The following FHIT variants were observed in gnomAD, a reference collection of about 807,000 sequenced individuals.
FHIT encodes the protein bis(5'-adenosyl)-triphosphatase.
Under a neutral mutation model 17.9 loss-of-function variants are expected in FHIT, and 19 were observed. The observed-to-expected ratio is 1.06, with a 90% CI of 0.74 to 1.56. The LOEUF (loss-of-function observed/expected upper bound fraction) is 1.56. Ranked by LOEUF, FHIT falls within the 40% of genes most tolerant of loss-of-function variation. The pLI is 0.00. For missense variants in FHIT, 248 were observed against 189.2 expected, an observed-to-expected ratio of 1.31 and a Z score of -1.82; for synonymous variants, 81 against 69.7, an observed-to-expected ratio of 1.16 and a Z score of -0.81.
Position 60,611,391 on chromosome 3 carries a change from G to A in FHIT, c.-17-74412C>T, listed in dbSNP as rs9829848. 3.3e-5 allele frequency among the ~76,000 whole-genome samples: 5 copies of A among 152,252 alleles called. No individual in the cohort carries two copies. The South Asian group carries it at 1.0e-3, about 32-fold the overall frequency. On this transcript the variant is annotated intron_variant, in intron 4 of 9. Transcript: ENST00000492590. Reference sequence around the variant, plus strand: ...CATTAATGCCTAGTGTTCCATTATAGGAACGCTAAGCATGTGGGAGTTATT... The same window carrying A: ...CATTAATGCCTAGTGTTCCATTATAAGAACGCTAAGCATGTGGGAGTTATT...
At chr3:60,237,976 AAAT>A (rs1249569777) in intron 5 of FHIT, among the ~76,000 whole-genome samples, 1 of 151,640 alleles carries the variant, frequency 6.6e-6, no homozygotes, top group African/African-American at 2.4e-5. Context: ...TCTCTACTAA[AAAT>A]AATAATAATA....
At chr3:59,974,565 G>C (rs1239412640) in intron 7 of FHIT, among the ~76,000 whole-genome samples, 1 of 152,078 alleles carries the variant, frequency 6.6e-6, no homozygotes, top group East Asian at 1.9e-4. Flanking sequence ...TTAATACTGT[G>C]ACATTTAAGT....
intron 5 of FHIT, among the ~76,000 whole-genome samples, chr3:60,340,694 C>T (rs1710473547): frequency 6.6e-6 from 1 of 152,068 alleles, no homozygotes; most frequent in African/African-American, 2.4e-5. Flanking sequence ...TGTGAGTGTC[C>T]ACTTATATGA....
chr3:60,282,769 A>C (rs1359066764), intron 5 of FHIT, among the ~76,000 whole-genome samples: 1 of 152,162 alleles, frequency 6.6e-6, no homozygotes, highest in African/African-American at 2.4e-5. Context: ...GTTCTAAAAA[A>C]TAAAGTATTT....
intron 5 of FHIT, among the ~76,000 whole-genome samples, chr3:60,335,718 C>T (rs941524810): frequency 2.6e-5 from 4 of 152,024 alleles, no homozygotes; most frequent in Admixed American, 2.0e-4. Flanking sequence ...ATATTGACCA[C>T]ATTTTAAAAT....
At chr3:60,473,659 C>T (rs2033200782) in intron 5 of FHIT, among the ~76,000 whole-genome samples, 1 of 152,220 alleles carries the variant, frequency 6.6e-6, no homozygotes, top group Admixed American at 6.5e-5. Context: ...TGGCTCACGC[C>T]TGTAATCCTA....
intron 2 of FHIT, among the ~76,000 whole-genome samples, chr3:61,071,486 G>A (rs2106740686): frequency 6.6e-6 from 1 of 152,254 alleles, no homozygotes; most frequent in South Asian, 2.1e-4. Flanking sequence ...TTCCCATAAA[G>A]AGAAATAGGG....
chr3:60,609,022 G>GAA lies in FHIT; in HGVS notation c.-17-72045_-17-72044dup, dbSNP rs35545161. Among the ~76,000 whole-genome samples the GAA allele has an allele frequency of 5.4e-3, 766 of 141,648 alleles. 2 individuals carry two copies. The highest frequency in any genetic ancestry group is 0.018 in the African/African-American group (707 of 38,600). 92.9% of individuals were successfully genotyped at this position (141,648 alleles called of 152,430 possible). A position where few individuals can be genotyped will look rare whatever the true frequency, so the allele number is the denominator to read the frequency against. ...GCATATGCTGGTCACGCACAATTTG[G>GAA]AAAAAAAAAAAAAAAGTATATAAAT... On this transcript the variant is annotated intron_variant, in intron 4 of 9. Coordinates refer to ENST00000492590, the MANE Select transcript of FHIT (RefSeq NM_002012.4).
intron 2 of FHIT, among the ~76,000 whole-genome samples, chr3:61,054,590 T>C (rs2034148171): frequency 6.6e-6 from 1 of 152,188 alleles, no homozygotes; most frequent in Non-Finnish European, 1.5e-5. Context: ...TTTTCAGATA[T>C]TTCTGTATTT....
chr3:61,096,826 A>C (rs1029531256), intron 2 of FHIT, among the ~76,000 whole-genome samples: 1 of 152,180 alleles, frequency 6.6e-6, no homozygotes, highest in Non-Finnish European at 1.5e-5. Context: ...GCTGGAAAAA[A>C]GAGGCCGGGA....
At chr3:60,363,025 G>A (rs72875047) in intron 5 of FHIT, among the ~76,000 whole-genome samples, 51 of 152,314 alleles carry the variant, frequency 3.3e-4, no homozygotes, top group African/African-American at 1.1e-3. Flanking sequence ...ACGCTGTTAA[G>A]TTCAAATGTG....
chr3:60,519,166 T>A (rs2035267148), intron 5 of FHIT, among the ~76,000 whole-genome samples: 1 of 152,220 alleles, frequency 6.6e-6, no homozygotes, highest in South Asian at 2.1e-4. Context: ...AGGTTATTTC[T>A]GGAAAATAAG....
At chr3:59,991,411 T>C (rs1005442374) in intron 7 of FHIT, among the ~76,000 whole-genome samples, 2 of 152,096 alleles carry the variant, frequency 1.3e-5, no homozygotes, top group African/African-American at 4.8e-5. Context: ...ATGATCCTGA[T>C]AGACATCTAG....
chr3:60,994,788 A>C (rs963861825), intron 3 of FHIT, among the ~76,000 whole-genome samples: 2 of 152,126 alleles, frequency 1.3e-5, no homozygotes, highest in Non-Finnish European at 2.9e-5. Flanking sequence ...GTGAGAAAAC[A>C]CTAAAACCAG....
At chr3:59,993,660 T>G (rs939435764) in intron 7 of FHIT, among the ~76,000 whole-genome samples, 1 of 151,900 alleles carries the variant, frequency 6.6e-6, no homozygotes, top group Non-Finnish European at 1.5e-5. Flanking sequence ...TTACCCACTT[T>G]CTGATGAGGC....
intron 4 of FHIT, among the ~76,000 whole-genome samples, chr3:60,624,981 T>A (rs2213216): frequency 0.42 from 63,117 of 151,942 alleles, 13,556 homozygotes; most frequent in East Asian, 0.71. Flanking sequence ...CAATCTCAGC[T>A]CACTGCAATC....
chr3:60,551,695 C>A (rs1217535728), intron 4 of FHIT, among the ~76,000 whole-genome samples: 2 of 147,650 alleles, frequency 1.4e-5, no homozygotes, highest in Non-Finnish European at 1.5e-5. Context: ...GAAGTTGATG[C>A]TGCAGTGAGC....
chr3:60,078,547 T>C (rs1037954606), intron 5 of FHIT, among the ~76,000 whole-genome samples: 3 of 152,116 alleles, frequency 2.0e-5, no homozygotes, highest in Non-Finnish European at 2.9e-5. Context: ...CTAAACACAA[T>C]GTGTGATCCT....
At chr3:60,242,092 A>G (rs925861889) in intron 5 of FHIT, among the ~76,000 whole-genome samples, 2 of 152,098 alleles carry the variant, frequency 1.3e-5, no homozygotes, top group Admixed American at 1.3e-4. Flanking sequence ...GGCCATTATT[A>G]ATATTTGGTA....
Sources: gnomAD v4.1 joint callset for allele counts (sites outside exome capture counted in the v4.1 genomes callset) on GRCh38, gnomAD v4.1.1 for gene constraint, MANE v1.5 for transcripts, NCBI Gene and HGNC (gene_info 2026-07-23, HGNC 2026-07-21) for gene names.